Variants in RPS6KC1 observed in about 807,000 individuals in gnomAD.
The protein encoded by RPS6KC1 is inactive ribosomal protein S6 kinase delta-1.
Under a neutral mutation model 103.8 loss-of-function variants are expected in RPS6KC1, and 54 were observed. The observed-to-expected ratio is 0.52, with a 90% CI of 0.42 to 0.65. The LOEUF (loss-of-function observed/expected upper bound fraction) is 0.65, where lower values mean the gene tolerates loss of function less well. Among genes scored for constraint, RPS6KC1 ranks in the 30% least tolerant of loss-of-function variants. The probability of loss-of-function intolerance (pLI) is 0.00; values close to 1 mark genes in which losing one functional copy is unlikely to be tolerated. For synonymous variants in RPS6KC1, 439 were observed against 438.7 expected (o/e 1.00, Z -0.01); for missense variants, 1,151 against 1,253.8 (o/e 0.92, Z 1.24).
chr1:213,223,143 A>G (rs1018059462), intron 8 of RPS6KC1, among the ~76,000 whole-genome samples: 1 of 152,208 alleles, frequency 6.6e-6, no homozygotes, highest in Non-Finnish European at 1.5e-5. Context: ...GATTATAAGC[A>G]GCAAACACAA....
chr1:213,495,465 G>GGA, the RPS6KC1 span, among the ~76,000 whole-genome samples: 1 of 152,172 alleles, frequency 6.6e-6, no homozygotes, highest in Non-Finnish European at 1.5e-5. Flanking sequence ...GGGATTACAG[G>GGA]TGCATGCCAC....
chr1:213,346,392 T>G, the RPS6KC1 span, among the ~76,000 whole-genome samples: 1 of 152,160 alleles, frequency 6.6e-6, no homozygotes, highest in Admixed American at 6.5e-5. Context: ...ACTCCAGAAA[T>G]AGATACGAGG....
At chr1:213,226,826 T>C (rs1456252039) in intron 8 of RPS6KC1, among the ~76,000 whole-genome samples, 1 of 152,226 alleles carries the variant, frequency 6.6e-6, no homozygotes, top group East Asian at 1.9e-4. Flanking sequence ...CACTATGTTT[T>C]CTCTTTGTAC....
chr1:213,743,486 C>T, the RPS6KC1 span, among the ~76,000 whole-genome samples: 1 of 152,084 alleles, frequency 6.6e-6, no homozygotes, highest in Admixed American at 6.5e-5. Context: ...GCACATGTAC[C>T]CTCTGTATAT....
chr1:213,567,670 T>C, the RPS6KC1 span, among the ~76,000 whole-genome samples: 1 of 152,236 alleles, frequency 6.6e-6, no homozygotes, highest in East Asian at 1.9e-4. Context: ...TTCACTTGGA[T>C]TATTGTATTA....
At chr1:213,573,657 C>A in the RPS6KC1 span, among the ~76,000 whole-genome samples, 1 of 152,174 alleles carries the variant, frequency 6.6e-6, no homozygotes, top group African/African-American at 2.4e-5. Context: ...TGGAACAAAA[C>A]CCAGTTACTG....
the RPS6KC1 span, among the ~76,000 whole-genome samples, chr1:213,514,361 C>A: frequency 8.6e-5 from 13 of 150,544 alleles, no homozygotes; most frequent in Admixed American, 8.6e-4. Context: ...GGTATATCGC[C>A]TAATGCTATC....
the RPS6KC1 span, among the ~76,000 whole-genome samples, chr1:213,307,371 T>G: frequency 2.6e-5 from 4 of 151,768 alleles, no homozygotes; most frequent in Non-Finnish European, 5.9e-5. Context: ...TTTTGAAGGG[T>G]TTTCCTCTTG....
the RPS6KC1 span, among the ~76,000 whole-genome samples, chr1:213,370,176 G>C: frequency 6.6e-6 from 1 of 152,152 alleles, no homozygotes; most frequent in Non-Finnish European, 1.5e-5. Context: ...CTTCTCAGGG[G>C]TGGTGGGACC....
chr1:213,379,186 A>C, the RPS6KC1 span, among the ~76,000 whole-genome samples: 3 of 151,622 alleles, frequency 2.0e-5, no homozygotes, highest in African/African-American at 7.3e-5. Context: ...TGGATCTTCA[A>C]TTGTTATAGA....
chr1:213,359,422 C>T, the RPS6KC1 span, among the ~76,000 whole-genome samples: 1 of 152,170 alleles, frequency 6.6e-6, no homozygotes, highest in East Asian at 1.9e-4. Context: ...GATCTTCCTC[C>T]ATCCCTTTAT....
chr1:213,324,962 C>T, the RPS6KC1 span, among the ~76,000 whole-genome samples: 2 of 152,136 alleles, frequency 1.3e-5, no homozygotes, highest in Admixed American at 1.3e-4. Flanking sequence ...TCCCTGCTCC[C>T]AGCCTCATTA....
the RPS6KC1 span, among the ~76,000 whole-genome samples, chr1:213,498,510 A>G: frequency 6.6e-6 from 1 of 152,116 alleles, no homozygotes; most frequent in Non-Finnish European, 1.5e-5. Context: ...GCTGGAGTGC[A>G]GTGGTGCGAT....
intron 7 of RPS6KC1, among the ~76,000 whole-genome samples, chr1:213,174,663 T>TC (rs2091738887): frequency 9.4e-6 from 1 of 106,522 alleles, no homozygotes; most frequent in Non-Finnish European, 1.8e-5. Flanking sequence ...AGAGCGAAAC[T>TC]CCATCTCAAA....
At chr1:213,826,204 T>A in the RPS6KC1 span, among the ~76,000 whole-genome samples, 1 of 152,192 alleles carries the variant, frequency 6.6e-6, no homozygotes, top group Non-Finnish European at 1.5e-5. Flanking sequence ...AAATTTAGAA[T>A]CATAATAGAA....
At chr1:213,104,346 G>A in intron 3 of RPS6KC1, 108 bp from the exon 4 acceptor site, 1 of 630,958 alleles carries the variant, frequency 1.6e-6, no homozygotes, top group Admixed American at 2.7e-5. Context: ...AATAAGCAAA[G>A]CAACTAAGTG....
the RPS6KC1 span, among the ~76,000 whole-genome samples, chr1:213,638,410 T>C: frequency 1.3e-5 from 2 of 152,124 alleles, no homozygotes; most frequent in Non-Finnish European, 2.9e-5. Context: ...TCCTTTAGTT[T>C]TCATGTCTAG....
intron 6 of RPS6KC1, among the ~76,000 whole-genome samples, chr1:213,158,204 A>G (rs1037025590): frequency 8.5e-5 from 13 of 152,226 alleles, no homozygotes; most frequent in African/African-American, 2.9e-4. Flanking sequence ...AAATGGCACT[A>G]GTTAAATACA....
chr1:213,400,101 G>C, the RPS6KC1 span, among the ~76,000 whole-genome samples: 1 of 152,072 alleles, frequency 6.6e-6, no homozygotes, highest in East Asian at 1.9e-4. Flanking sequence ...AGAACCCTCG[G>C]GTCTTGTGCG....
Sources: gnomAD v4.1 joint callset for allele counts (sites outside exome capture counted in the v4.1 genomes callset) on GRCh38, gnomAD v4.1.1 for gene constraint, MANE v1.5 for transcripts, NCBI Gene and HGNC (gene_info 2026-07-23, HGNC 2026-07-21) for gene names.